The following TBC1D12 variants were observed in gnomAD, a reference collection of about 807,000 sequenced individuals.
TBC1D12 encodes TBC1 domain family, member 12.
TBC1D12 carries 56 observed loss-of-function variants against 86.7 expected under a neutral mutation model. The ratio of observed to expected loss-of-function variants is 0.65; its 90% CI spans 0.52 to 0.81. The LOEUF is 0.81. TBC1D12 is among the 30% of genes least tolerant of loss of function. The pLI, the probability that TBC1D12 is intolerant of heterozygous loss-of-function variation, is 0.00. For missense variants in TBC1D12, 1,023 were observed against 1,038.8 expected (o/e 0.98, Z 0.21); for synonymous variants, 421 against 411.7 (o/e 1.02, Z -0.27).
chr10:94,425,876 A>G (rs1056401500), intron 1 of TBC1D12, among the ~76,000 whole-genome samples: 5 of 152,066 alleles, frequency 3.3e-5, no homozygotes, highest in African/African-American at 9.7e-5. Context: ...TTCAGCATAC[A>G]CATCCTGTAA....
chr10:94,476,835 C>T (rs1474335886), intron 3 of TBC1D12, among the ~76,000 whole-genome samples: 1 of 152,094 alleles, frequency 6.6e-6, no homozygotes, highest in African/African-American at 2.4e-5. Flanking sequence ...ATGTTATTCC[C>T]CTCTCTTGGA....
intron 4 of TBC1D12, among the ~76,000 whole-genome samples, chr10:94,494,347 A>G (rs895359129): frequency 1.3e-5 from 2 of 152,122 alleles, no homozygotes; most frequent in African/African-American, 4.8e-5. Flanking sequence ...AAGTTAATGG[A>G]CTGTTATAAT....
At chr10:94,522,510 T>C (rs2134225138) in intron 11 of TBC1D12, 57 bp downstream of exon 11, 1 of 793,720 alleles carries the variant, frequency 1.3e-6, no homozygotes, top group Non-Finnish European at 1.9e-6. Context: ...TATAACTTTT[T>C]GTGTGTTTTA....
At chr10:94,455,687 T>C (rs575318011) in intron 2 of TBC1D12, among the ~76,000 whole-genome samples, 1 of 152,348 alleles carries the variant, frequency 6.6e-6, no homozygotes, top group Non-Finnish European at 1.5e-5. Flanking sequence ...CCCAGCACTT[T>C]GGGAGGCCAA....
chr10:94,533,237 T>C lies in TBC1D12; in HGVS notation c.*141T>C, dbSNP rs1412504989. The C allele has an allele frequency of 1.9e-6, 1 of 516,854 alleles. No homozygotes were observed. The highest frequency in any genetic ancestry group is 3.4e-6 in the Non-Finnish European group (1 of 297,824). 32.0% of individuals were successfully genotyped at this position (516,854 alleles called of 1,614,324 possible). On this transcript the variant is annotated 3_prime_UTR_variant, in exon 13 of 13. Transcript: ENST00000225235. ...GGTGGAAAACTGCTGATTTTACATT[T>C]TATGGCTGAAGTAAATGAAATAAGT...
At position 94,402,562 on chromosome 10, in the gene TBC1D12, C is replaced by A. The variant is rs1222383447; in HGVS notation, c.-52C>A. ...ACCCAGAGCTGTTCTCTGGCCAAGC[C>A]TGCGCCTGTAGTCCTTCTTTGCCTC... is the stretch of plus-strand genomic sequence containing the variant. On this transcript the variant is annotated 5_prime_UTR_variant, in exon 1 of 13. In the 5' UTR this introduces an upstream ATG that the reference lacks. Transcript: ENST00000225235. The A allele has an allele frequency of 8.8e-6, 14 of 1,597,418 alleles. No homozygotes were observed. The highest frequency in any genetic ancestry group is 6.0e-6 in the Non-Finnish European group (7 of 1,171,770).
chr10:94,524,008 A>G (rs1842222009), intron 11 of TBC1D12, among the ~76,000 whole-genome samples: 1 of 152,260 alleles, frequency 6.6e-6, no homozygotes, highest in Admixed American at 6.5e-5. Flanking sequence ...TATACTGCAG[A>G]CAGGATCACC....
rs1169888531 is a variant in TBC1D12 at position 94,516,089 on chromosome 10, C to G, written c.1761+4435C>G. ...CACTGTTGACCGTAGGAAACTGAAA[C>G]TTCAGAAAGCAAAACTGGGGAAAGT... is the stretch of plus-strand genomic sequence containing the variant. On this transcript the variant is annotated intron_variant, in intron 9 of 12. Coordinates refer to ENST00000225235, the MANE Select transcript of TBC1D12 (RefSeq NM_015188.2). 7.9e-5 allele frequency among the ~76,000 whole-genome samples: 12 copies of G among 152,326 alleles called. No individual in the cohort carries two copies. The East Asian group carries it at 1.2e-3, about 15-fold the overall frequency.
intron 4 of TBC1D12, among the ~76,000 whole-genome samples, chr10:94,494,143 G>A (rs1446777040): frequency 6.6e-6 from 1 of 152,032 alleles, no homozygotes; most frequent in Non-Finnish European, 1.5e-5. Context: ...ACTCTTGTGT[G>A]TATAAATTTA....
intron 4 of TBC1D12, among the ~76,000 whole-genome samples, chr10:94,496,158 A>G (rs1249882689): frequency 1.3e-5 from 2 of 151,856 alleles, no homozygotes; most frequent in Non-Finnish European, 2.9e-5. Context: ...TTGCCCCTCA[A>G]GATGGTCTGA....
chr10:94,474,864 C>T (rs751883211), intron 3 of TBC1D12, 81 bp downstream of exon 3: 19 of 1,240,174 alleles, frequency 1.5e-5, no homozygotes, highest in African/African-American at 3.1e-5. Flanking sequence ...TAAAAGATAG[C>T]GAGAAAGATA....
chr10:94,509,515 A>G (rs980065718), intron 7 of TBC1D12: 4 of 152,514 alleles, frequency 2.6e-5, no homozygotes, highest in African/African-American at 9.6e-5. Flanking sequence ...GAAAAGTCCC[A>G]TAGGGAAAAC....
At chr10:94,458,795 T>A (rs1442825272) in intron 2 of TBC1D12, among the ~76,000 whole-genome samples, 2 of 152,062 alleles carry the variant, frequency 1.3e-5, no homozygotes, top group Non-Finnish European at 2.9e-5. Flanking sequence ...GAGTTGTTCG[T>A]ACCTTCCATC....
At chr10:94,427,492 T>A (rs531618033) in intron 1 of TBC1D12, among the ~76,000 whole-genome samples, 1 of 152,250 alleles carries the variant, frequency 6.6e-6, no homozygotes, top group African/African-American at 2.4e-5. Flanking sequence ...CTTTTTTCTT[T>A]TATCATTAAA....
chr10:94,414,663 G>A (rs911274192), intron 1 of TBC1D12, among the ~76,000 whole-genome samples: 2 of 149,326 alleles, frequency 1.3e-5, no homozygotes, highest in South Asian at 2.1e-4. Flanking sequence ...ACAGTGGTGC[G>A]ATCTCGGCTC....
chr10:94,460,506 C>T (rs1009110955), intron 2 of TBC1D12, among the ~76,000 whole-genome samples: 3 of 151,520 alleles, frequency 2.0e-5, no homozygotes. Context: ...GTTTTTACCT[C>T]TGCTGCCTTT....
At chr10:94,492,764 G>A (rs1372113744) in intron 3 of TBC1D12, among the ~76,000 whole-genome samples, 2 of 152,204 alleles carry the variant, frequency 1.3e-5, no homozygotes, top group African/African-American at 4.8e-5. Context: ...GGTACCACAA[G>A]GAAACTTAGT....
chr10:94,482,887 A>G (rs532529040), intron 3 of TBC1D12, among the ~76,000 whole-genome samples: 2 of 152,106 alleles, frequency 1.3e-5, no homozygotes, highest in Non-Finnish European at 2.9e-5. Flanking sequence ...AGCTCTACAA[A>G]TAAGTGAGAA....
At chr10:94,424,170 C>CTGGAAT (rs2055117595) in intron 1 of TBC1D12, among the ~76,000 whole-genome samples, 1 of 152,080 alleles carries the variant, frequency 6.6e-6, no homozygotes, top group Non-Finnish European at 1.5e-5. Context: ...GAGGGAAGTC[C>CTGGAAT]TGGAATCAGT....
Sources: gnomAD v4.1 joint callset for allele counts (sites outside exome capture counted in the v4.1 genomes callset) on GRCh38, gnomAD v4.1.1 for gene constraint, MANE v1.5 for transcripts, NCBI Gene and HGNC (gene_info 2026-07-23, HGNC 2026-07-21) for gene names.